The following STIM1 variants were observed in gnomAD, a reference collection of about 807,000 sequenced individuals.
STIM1 encodes stromal interaction molecule 1.
A neutral mutation model predicts 74.7 loss-of-function variants in STIM1; 25 were observed. That is an observed-to-expected ratio of 0.33 (90% CI 0.24 to 0.47). The LOEUF is 0.47. STIM1 is among the 20% of genes least tolerant of loss of function. The pLI is 1.00. For synonymous variants in STIM1, 328 were observed against 348.8 expected, an observed-to-expected ratio of 0.94 and a Z score of 0.66; for missense variants, 728 against 920.8, an observed-to-expected ratio of 0.79 and a Z score of 2.71.
Position 3,901,571 on chromosome 11 carries a change from CTAAGTGTTTAACA to C in STIM1, c.139+45165_139+45177del, listed in dbSNP as rs145624658. On this transcript the variant is annotated intron_variant, in intron 1 of 12. Transcript: ENST00000526596. Reference sequence around the variant, plus strand: ...GACAGCTTATGTGTCAGAAAATCTCCTAAGTGTTTAACATAGATTACATCTTTGTGTTCACAAT... The same window carrying C: ...GACAGCTTATGTGTCAGAAAATCTCCTAGATTACATCTTTGTGTTCACAAT... 2.4e-3 allele frequency among the ~76,000 whole-genome samples: 371 copies of C among 152,290 alleles called. 1 individual carries two copies. The highest frequency in any genetic ancestry group is 8.6e-3 in the African/African-American group (357 of 41,550).
chr11:4,085,033 C>T (rs577885292), intron 11 of STIM1, among the ~76,000 whole-genome samples: 53 of 152,040 alleles, frequency 3.5e-4, no homozygotes, highest in African/African-American at 1.2e-3. Flanking sequence ...GGTAGCCCTT[C>T]TTCCATCTGG....
At chr11:4,076,254 G>T (rs1433886411) in intron 7 of STIM1, among the ~76,000 whole-genome samples, 1 of 151,920 alleles carries the variant, frequency 6.6e-6, no homozygotes, top group Non-Finnish European at 1.5e-5. Context: ...GGGTGGCTGA[G>T]GTGGGCAGAT....
chr11:4,045,144 CCCTTGATGTACTGCTGG>C (rs2094180437), intron 3 of STIM1, among the ~76,000 whole-genome samples: 1 of 151,954 alleles, frequency 6.6e-6, no homozygotes. Context: ...AGACAAAAGG[CCCTTGATGTACTGCTGG>C]CCTCAGGCCT....
chr11:3,942,729 G>C (rs889972714), intron 1 of STIM1, among the ~76,000 whole-genome samples: 2 of 152,186 alleles, frequency 1.3e-5, no homozygotes, highest in African/African-American at 4.8e-5. Context: ...AACCTCCAAA[G>C]TTTGCATTTG....
At chr11:4,026,988 G>T (rs2136031859) in intron 3 of STIM1, among the ~76,000 whole-genome samples, 1 of 152,224 alleles carries the variant, frequency 6.6e-6, no homozygotes, top group African/African-American at 2.4e-5. Flanking sequence ...GTATCACCAG[G>T]CTCAGAGCCC....
chr11:4,045,547 T>C (rs2094184564), intron 3 of STIM1, among the ~76,000 whole-genome samples: 1 of 152,012 alleles, frequency 6.6e-6, no homozygotes, highest in South Asian at 2.1e-4. Flanking sequence ...CCTTCCAGGC[T>C]TACGTGATCC....
intron 1 of STIM1, among the ~76,000 whole-genome samples, chr11:3,940,796 G>A (rs1014690732): frequency 6.6e-6 from 1 of 152,196 alleles, no homozygotes; most frequent in African/African-American, 2.4e-5. Context: ...ATACATGGAA[G>A]AAGCAGTGGA....
At chr11:3,906,596 T>G (rs1161301154) in intron 1 of STIM1, among the ~76,000 whole-genome samples, 1 of 152,248 alleles carries the variant, frequency 6.6e-6, no homozygotes, top group African/African-American at 2.4e-5. Flanking sequence ...CACCTACTAT[T>G]TGCTAGGCAT....
At chr11:4,080,665 T>C (rs116434250) in intron 7 of STIM1, among the ~76,000 whole-genome samples, 1 of 152,198 alleles carries the variant, frequency 6.6e-6, no homozygotes, top group African/African-American at 2.4e-5. Context: ...GAGGTCTCGC[T>C]GTGTTGCTCA....
chr11:3,868,498 G>A (rs1394961563), intron 1 of STIM1, among the ~76,000 whole-genome samples: 1 of 152,216 alleles, frequency 6.6e-6, no homozygotes, highest in Non-Finnish European at 1.5e-5. Flanking sequence ...AACTTGGTGT[G>A]GGGTGGGGTG....
chr11:3,897,097 T>C (rs1001894255), intron 1 of STIM1, among the ~76,000 whole-genome samples: 1 of 152,202 alleles, frequency 6.6e-6, no homozygotes, highest in African/African-American at 2.4e-5. Flanking sequence ...AGAGGTTTTG[T>C]CTAGAGTGAT....
chr11:3,989,685 T>TA (rs1366916822), intron 2 of STIM1, among the ~76,000 whole-genome samples: 1 of 152,246 alleles, frequency 6.6e-6, no homozygotes. Flanking sequence ...AATTGAAATT[T>TA]CAGTGTCTGT....
intron 2 of STIM1, among the ~76,000 whole-genome samples, chr11:4,004,856 C>G (rs1346733407): frequency 1.3e-5 from 2 of 152,172 alleles, no homozygotes; most frequent in Non-Finnish European, 2.9e-5. Context: ...GGGCTAATAT[C>G]CAGAATCTAC....
Position 3,856,140 on chromosome 11 carries a change from G to C in STIM1, c.-131G>C. The C allele has an allele frequency of 1.6e-6, 2 of 1,255,842 alleles. No homozygotes were observed. The highest frequency in any genetic ancestry group is 2.3e-6 in the Non-Finnish European group (2 of 876,076). 77.8% of individuals were successfully genotyped at this position (1,255,842 alleles called of 1,614,324 possible). On this transcript the variant is annotated 5_prime_UTR_variant, in exon 1 of 13. Transcript: ENST00000526596. ...GCTGTTGGAGGGGGCAGGCTCGCGG[G>C]TGGCTGGACAGCTGCGGAGCCGCGA...
chr11:4,016,709 A>G (rs1414318666), intron 2 of STIM1, among the ~76,000 whole-genome samples: 2 of 152,272 alleles, frequency 1.3e-5, no homozygotes, highest in Non-Finnish European at 1.5e-5. Context: ...GGCTCCGCCC[A>G]GTTTGAGCTC....
At chr11:3,991,543 T>A (rs748202255) in intron 2 of STIM1, among the ~76,000 whole-genome samples, 15 of 152,110 alleles carry the variant, frequency 9.9e-5, no homozygotes, top group Non-Finnish European at 2.1e-4. Context: ...GCAGTGAACA[T>A]ATGAGTGCAC....
At chr11:3,910,535 C>T (rs1411814579) in intron 1 of STIM1, among the ~76,000 whole-genome samples, 2 of 151,964 alleles carry the variant, frequency 1.3e-5, no homozygotes, top group Non-Finnish European at 2.9e-5. Context: ...CAAGACCAGC[C>T]TAGGCAACAT....
At chr11:4,040,047 G>A (rs1008348457) in intron 3 of STIM1, among the ~76,000 whole-genome samples, 1 of 139,496 alleles carries the variant, frequency 7.2e-6, no homozygotes, top group Non-Finnish European at 1.6e-5. Context: ...GGGATTACAG[G>A]TGTAAGCCAC....
intron 3 of STIM1, 96 bp downstream of exon 3, chr11:4,024,083 T>A (rs1167932784): frequency 9.5e-6 from 9 of 948,046 alleles, no homozygotes; most frequent in Non-Finnish European, 1.5e-5. Flanking sequence ...TATAAAATGC[T>A]TAGTAAAGGG....
Sources: gnomAD v4.1 joint callset for allele counts (sites outside exome capture counted in the v4.1 genomes callset) on GRCh38, gnomAD v4.1.1 for gene constraint, MANE v1.5 for transcripts, NCBI Gene and HGNC (gene_info 2026-07-23, HGNC 2026-07-21) for gene names.